Variants in RAD51B observed in about 807,000 individuals in gnomAD.
RAD51B encodes DNA repair protein RAD51 homolog 2.
RAD51B carries 38 observed loss-of-function variants against 42.2 expected under a neutral mutation model. The observed-to-expected ratio is 0.90, with a 90% CI of 0.70 to 1.18. The LOEUF (loss-of-function observed/expected upper bound fraction) is 1.18. RAD51B is among the 50% of genes most tolerant of loss of function. RAD51B has a pLI of 0.00. For synonymous variants in RAD51B, 154 were observed against 145.2 expected (o/e 1.06, Z -0.43); for missense variants, 373 against 400.7 (o/e 0.93, Z 0.59).
chr14:68,414,611 T>G (rs2084504072), intron 9 of RAD51B, among the ~76,000 whole-genome samples: 1 of 152,042 alleles, frequency 6.6e-6, no homozygotes, highest in South Asian at 2.1e-4. Flanking sequence ...AGTGTTTGAT[T>G]TGTTGTCTAA....
At chr14:68,594,562 C>T in exon 11 of RAD51B, 1 of 1,323,278 alleles carries the variant, frequency 7.6e-7, no homozygotes, top group Non-Finnish European at 1.0e-6. Context: ...TCCTGAGCAG[C>T]TAGGACTACA....
chr14:68,103,941 A>T (rs2077333739), intron 7 of RAD51B, among the ~76,000 whole-genome samples: 1 of 152,154 alleles, frequency 6.6e-6, no homozygotes, highest in Non-Finnish European at 1.5e-5. Flanking sequence ...ATTTTTCAGT[A>T]TTAGGGTTGT....
rs530038618 is a variant in RAD51B, at chr14:67,940,847, G to A, written c.756+53643G>A. 5.3e-5 allele frequency among the ~76,000 whole-genome samples: 8 copies of A among 151,652 alleles called. No individual in the cohort carries two copies. The South Asian group carries it at 1.0e-3, about 20-fold the overall frequency. On this transcript the variant is annotated intron_variant, in intron 7 of 10. Coordinates refer to ENST00000471583, the MANE Select transcript of RAD51B (RefSeq NM_133510.4). Reference sequence around the variant, plus strand: ...TATGTCCCATATTATACAAATGTTCGCTGAAAGCACCAATTTTCTGGGAAA... The same window carrying A: ...TATGTCCCATATTATACAAATGTTCACTGAAAGCACCAATTTTCTGGGAAA...
intron 7 of RAD51B, among the ~76,000 whole-genome samples, chr14:67,949,354 G>T (rs1422312126): frequency 6.6e-6 from 1 of 152,138 alleles, no homozygotes; most frequent in Non-Finnish European, 1.5e-5. Flanking sequence ...AATGTTATTA[G>T]CATCATCACC....
At chr14:68,286,759 G>C (rs1459187922) in intron 7 of RAD51B, among the ~76,000 whole-genome samples, 1 of 152,186 alleles carries the variant, frequency 6.6e-6, no homozygotes, top group Non-Finnish European at 1.5e-5. Context: ...TTGAGCAGAG[G>C]GTAGGTGTAG....
chr14:68,384,358 G>A (rs2083545038), intron 8 of RAD51B, among the ~76,000 whole-genome samples: 1 of 152,158 alleles, frequency 6.6e-6, no homozygotes, highest in African/African-American at 2.4e-5. Context: ...GTACAAGGCA[G>A]GATTTCCCAC....
chr14:68,547,017 T>C (rs1888271015), intron 10 of RAD51B, among the ~76,000 whole-genome samples: 1 of 152,258 alleles, frequency 6.6e-6, no homozygotes, highest in African/African-American at 2.4e-5. Flanking sequence ...TATTTCATGA[T>C]GTTCTCAGCT....
At position 68,282,263 on chromosome 14, in the gene RAD51B, A is replaced by G. The variant is rs559063518; in HGVS notation, c.757-9621A>G. On this transcript the variant is annotated intron_variant, in intron 7 of 10. Transcript: ENST00000471583. ...CTCCCAAAATGCTGGGATTACAGGC[A>G]TGAGCCACCATGCCCAGCCTCAGGA... Among the ~76,000 whole-genome samples, 88 of 152,262 alleles carry G rather than the reference A, an allele frequency of 5.8e-4. 1 individual carries two copies. The highest frequency in any genetic ancestry group is 5.3e-3 in the Admixed American group (81 of 15,288).
chr14:68,313,808 G>T (rs769885528), intron 8 of RAD51B, among the ~76,000 whole-genome samples: 17 of 152,144 alleles, frequency 1.1e-4, no homozygotes, highest in Non-Finnish European at 2.4e-4. Flanking sequence ...TGATATAAAT[G>T]GTTTTTCTAA....
chr14:68,452,234 A>T (rs541828004), intron 9 of RAD51B, among the ~76,000 whole-genome samples: 44 of 152,152 alleles, frequency 2.9e-4, no homozygotes, highest in African/African-American at 1.1e-3. Context: ...AAGGGAATGG[A>T]TTTCTGTTGC....
rs551316295 is a variant in RAD51B, at chr14:67,891,365, C to T, written c.756+4161C>T. On this transcript the variant is annotated intron_variant, in intron 7 of 10. Coordinates refer to ENST00000471583, the MANE Select transcript of RAD51B (RefSeq NM_133510.4). ...CTGTGGCCATCTGTGTTCTTGATTA[C>T]ATGCCTTTTGAGAATATCCATTGCT... 2.1e-4 allele frequency among the ~76,000 whole-genome samples: 32 copies of T among 152,252 alleles called. No individual in the cohort carries two copies. In the South Asian group the frequency reaches 2.7e-3, roughly 13 times the overall value.
At chr14:68,333,731 A>G (rs990386733) in intron 8 of RAD51B, among the ~76,000 whole-genome samples, 24 of 152,246 alleles carry the variant, frequency 1.6e-4, no homozygotes, top group African/African-American at 4.8e-4. Context: ...TAGAATGGTT[A>G]AATCTAGCTA....
chr14:68,272,280 A>G (rs1014417600), intron 7 of RAD51B, among the ~76,000 whole-genome samples: 4 of 152,066 alleles, frequency 2.6e-5, no homozygotes, highest in African/African-American at 9.7e-5. Context: ...GTAAAAGACA[A>G]GAGATGCCTC....
chr14:67,883,786 G>A (rs1722673532), intron 5 of RAD51B, among the ~76,000 whole-genome samples: 1 of 151,812 alleles, frequency 6.6e-6, no homozygotes, highest in South Asian at 2.1e-4. Context: ...TTTTCTTTTG[G>A]TAGTGGTGGT....
intron 8 of RAD51B, among the ~76,000 whole-genome samples, chr14:68,399,458 C>T (rs1234774292): frequency 1.3e-5 from 2 of 151,982 alleles, no homozygotes; most frequent in Admixed American, 6.6e-5. Flanking sequence ...GGGGTTTCAC[C>T]GTGTTAGCCA....
chr14:68,555,150 A>G (rs1378348822), intron 10 of RAD51B, among the ~76,000 whole-genome samples: 1 of 152,204 alleles, frequency 6.6e-6, no homozygotes, highest in Non-Finnish European at 1.5e-5. Flanking sequence ...CCGGCCAAAA[A>G]AATATTCTTA....
intron 7 of RAD51B, among the ~76,000 whole-genome samples, chr14:68,050,990 G>A (rs1055951380): frequency 4.6e-5 from 7 of 151,462 alleles, no homozygotes; most frequent in African/African-American, 1.7e-4. Flanking sequence ...TTGATTGGAT[G>A]AGCAGATATT....
At chr14:68,512,146 C>A (rs778345138) in intron 10 of RAD51B, among the ~76,000 whole-genome samples, 3 of 152,156 alleles carry the variant, frequency 2.0e-5, no homozygotes, top group Non-Finnish European at 4.4e-5. Flanking sequence ...ATATCATTGT[C>A]AGATAAAGGG....
chr14:68,525,541 T>C (rs1022788462), intron 10 of RAD51B, among the ~76,000 whole-genome samples: 7 of 152,220 alleles, frequency 4.6e-5, no homozygotes, highest in African/African-American at 1.4e-4. Flanking sequence ...GGAATTCTCA[T>C]GGTTCTCCTG....
Sources: gnomAD v4.1 joint callset for allele counts (sites outside exome capture counted in the v4.1 genomes callset) on GRCh38, gnomAD v4.1.1 for gene constraint, MANE v1.5 for transcripts, NCBI Gene and HGNC (gene_info 2026-07-23, HGNC 2026-07-21) for gene names.